GABRB1: variants seen among roughly 807,000 people sequenced by gnomAD.
GABRB1 encodes gamma-aminobutyric acid receptor subunit beta-1.
A neutral mutation model predicts 51.6 loss-of-function variants in GABRB1; 17 were observed. The ratio of observed to expected loss-of-function variants is 0.33; its 90% CI spans 0.23 to 0.49. The LOEUF (loss-of-function observed/expected upper bound fraction) is 0.49, where lower values mean the gene tolerates loss of function less well. GABRB1 is among the 20% of genes least tolerant of loss of function. The probability of loss-of-function intolerance (pLI) is 0.99; values close to 1 mark genes in which losing one functional copy is unlikely to be tolerated. For missense variants in GABRB1, 410 were observed against 600.6 expected (o/e 0.68, Z 3.32); for synonymous variants, 247 against 218.9 (o/e 1.13, Z -1.14).
At chr4:47,158,882 T>TAA (rs1717815661) in intron 3 of GABRB1, among the ~76,000 whole-genome samples, 1 of 152,098 alleles carries the variant, frequency 6.6e-6, no homozygotes, top group Admixed American at 6.6e-5. Context: ...ATTTTGAAGA[T>TAA]AATTTATTTG....
rs368856855 is a variant in GABRB1, at chr4:47,042,857, A to G, written c.240+10373A>G. On this transcript the variant is annotated intron_variant, in intron 3 of 8. Transcript: ENST00000295454. ...CTGCCTAGTCATTTTGTATGTATAC[A>G]AAATTATACATATACCTCATGTATA... is the stretch of plus-strand genomic sequence containing the variant. Among the ~76,000 whole-genome samples, 4 of 152,088 alleles carry G rather than the reference A, an allele frequency of 2.6e-5. No individual in the cohort carries two copies. The East Asian group carries it at 5.8e-4, about 22-fold the overall frequency.
chr4:47,334,110 T>C (rs1725603142), intron 5 of GABRB1, among the ~76,000 whole-genome samples: 1 of 152,156 alleles, frequency 6.6e-6, no homozygotes, highest in Non-Finnish European at 1.5e-5. Flanking sequence ...AATCAGATTC[T>C]GAGTTAGTGA....
chr4:47,298,996 C>A (rs1385969461), intron 4 of GABRB1, among the ~76,000 whole-genome samples: 2 of 151,580 alleles, frequency 1.3e-5, no homozygotes, highest in African/African-American at 4.9e-5. Flanking sequence ...GGAAAGGATT[C>A]CCTATTTAAT....
chr4:47,281,551 T>G (rs1723294703), intron 4 of GABRB1, among the ~76,000 whole-genome samples: 1 of 152,010 alleles, frequency 6.6e-6, no homozygotes, highest in East Asian at 1.9e-4. Flanking sequence ...TGGATATATA[T>G]CCAAAGGACT....
rs541700772 is a variant in GABRB1 at position 47,116,744 on chromosome 4, A to G, written c.241-44505A>G. 1.1e-4 allele frequency among the ~76,000 whole-genome samples: 16 copies of G among 152,236 alleles called. No homozygotes were observed. In the South Asian group the frequency reaches 1.5e-3, roughly 14 times the overall value. On this transcript the variant is annotated intron_variant, in intron 3 of 8. Coordinates refer to ENST00000295454, the MANE Select transcript of GABRB1 (RefSeq NM_000812.4). ...TGTATTAGTCCATTCTTGCATCTTT[A>G]TAAAGAACTACCTGCGACTGAGCCA... is the stretch of plus-strand genomic sequence containing the variant.
At chr4:47,393,515 G>A (rs1305322469) in intron 5 of GABRB1, among the ~76,000 whole-genome samples, 2 of 152,082 alleles carry the variant, frequency 1.3e-5, no homozygotes, top group Non-Finnish European at 2.9e-5. Flanking sequence ...TACTCTTCTT[G>A]GCCCAGTTTT....
chr4:47,176,294 T>C (rs1428212548), intron 4 of GABRB1, among the ~76,000 whole-genome samples: 1 of 152,120 alleles, frequency 6.6e-6, no homozygotes, highest in African/African-American at 2.4e-5. Context: ...ATTTAGAATT[T>C]ATTAAAACAA....
intron 4 of GABRB1, among the ~76,000 whole-genome samples, chr4:47,251,708 A>C (rs1400272548): frequency 6.6e-6 from 1 of 152,074 alleles, no homozygotes; most frequent in Non-Finnish European, 1.5e-5. Flanking sequence ...AGGTCAATGG[A>C]GTTGTGTACC....
chr4:47,045,831 T>C (rs1260352922), intron 3 of GABRB1, among the ~76,000 whole-genome samples: 7 of 152,086 alleles, frequency 4.6e-5, no homozygotes. Flanking sequence ...ATTCAGTCTA[T>C]AGCAATCATT....
At chr4:47,243,082 C>G (rs1030037155) in intron 4 of GABRB1, among the ~76,000 whole-genome samples, 9 of 152,122 alleles carry the variant, frequency 5.9e-5, no homozygotes, top group African/African-American at 1.9e-4. Flanking sequence ...AGGAAGGGAT[C>G]CAGTTTCAGC....
intron 5 of GABRB1, among the ~76,000 whole-genome samples, chr4:47,323,680 T>C (rs1725161098): frequency 6.6e-6 from 1 of 152,196 alleles, no homozygotes; most frequent in South Asian, 2.1e-4. Flanking sequence ...AAACTTTGCC[T>C]GCATCACAAA....
intron 1 of GABRB1, among the ~76,000 whole-genome samples, chr4:47,017,257 T>C (rs1029843211): frequency 1.3e-5 from 2 of 152,196 alleles, no homozygotes; most frequent in Admixed American, 1.3e-4. Flanking sequence ...AAGGATTGCT[T>C]GGGATCATGA....
intron 4 of GABRB1, among the ~76,000 whole-genome samples, chr4:47,260,930 C>G (rs1479929872): frequency 6.6e-6 from 1 of 152,112 alleles, no homozygotes; most frequent in African/African-American, 2.4e-5. Context: ...AGCATATAAA[C>G]AGAACCAAAG....
At chr4:47,375,611 G>GC (rs1727349559) in intron 5 of GABRB1, among the ~76,000 whole-genome samples, 1 of 152,164 alleles carries the variant, frequency 6.6e-6, no homozygotes, top group Non-Finnish European at 1.5e-5. Flanking sequence ...TCATCTTATA[G>GC]CAGCACCATC....
chr4:47,098,378 T>C (rs1363421337), intron 3 of GABRB1, among the ~76,000 whole-genome samples: 2 of 152,130 alleles, frequency 1.3e-5, no homozygotes, highest in African/African-American at 4.8e-5. Flanking sequence ...GTTGGCATTT[T>C]ATCATGAAAC....
At chr4:47,325,387 A>G (rs1725225328) in intron 5 of GABRB1, among the ~76,000 whole-genome samples, 1 of 150,662 alleles carries the variant, frequency 6.6e-6, no homozygotes, top group South Asian at 2.1e-4. Context: ...GTGAGCTGAG[A>G]TGGCACCATT....
chr4:47,148,204 T>C (rs1717263992), intron 3 of GABRB1, among the ~76,000 whole-genome samples: 2 of 151,980 alleles, frequency 1.3e-5, no homozygotes, highest in Non-Finnish European at 2.9e-5. Context: ...TAGGTTCTGG[T>C]TTGGTCAATG....
At chr4:47,371,353 T>C (rs978289410) in intron 5 of GABRB1, among the ~76,000 whole-genome samples, 2 of 152,200 alleles carry the variant, frequency 1.3e-5, no homozygotes, top group African/African-American at 4.8e-5. Flanking sequence ...AACATTTGCA[T>C]TGATTCCATG....
chr4:47,154,243 T>C (rs1717584138), intron 3 of GABRB1, among the ~76,000 whole-genome samples: 1 of 143,240 alleles, frequency 7.0e-6, no homozygotes, highest in South Asian at 2.3e-4. Flanking sequence ...CTTTGTCACA[T>C]ACAAATTATG....
Sources: gnomAD v4.1 joint callset for allele counts (sites outside exome capture counted in the v4.1 genomes callset) on GRCh38, gnomAD v4.1.1 for gene constraint, MANE v1.5 for transcripts, NCBI Gene and HGNC (gene_info 2026-07-23, HGNC 2026-07-21) for gene names.